The following PCDH11X variants were observed in gnomAD, a reference collection of about 807,000 sequenced individuals.
PCDH11X encodes protocadherin-11 X-linked.
PCDH11X carries 18 observed loss-of-function variants against 53.3 expected under a neutral mutation model. That is an observed-to-expected ratio of 0.34 (90% confidence interval 0.23 to 0.50). PCDH11X has a LOEUF of 0.50. PCDH11X is among the 20% of genes least tolerant of loss of function. The pLI, the probability that PCDH11X is intolerant of heterozygous loss-of-function variation, is 0.98. For synonymous variants in PCDH11X, 279 were observed against 393.3 expected, an observed-to-expected ratio of 0.71 and a Z score of 3.44; for missense variants, 570 against 1,032.4, an observed-to-expected ratio of 0.55 and a Z score of 6.14.
intron 6 of PCDH11X, among the ~76,000 whole-genome samples, chrX:92,155,746 C>T (rs1293047043): frequency 9.2e-6 from 1 of 108,950 alleles, no homozygotes; most frequent in Non-Finnish European, 1.9e-5. Context: ...CCTGCCTCAG[C>T]CTCCGGAGTA....
At chrX:92,442,837 C>T (rs948677822) in intron 9 of PCDH11X, among the ~76,000 whole-genome samples, 5 of 110,328 alleles carry the variant, frequency 4.5e-5, no homozygotes, top group Middle Eastern at 4.6e-3. Context: ...TAGGTTGATT[C>T]CATGTCTTGT....
intron 6 of PCDH11X, among the ~76,000 whole-genome samples, chrX:92,186,416 C>A (rs147408868): frequency 1.8e-5 from 2 of 111,126 alleles, no homozygotes; most frequent in Admixed American, 1.9e-4. Flanking sequence ...CATCACCTGA[C>A]ATCGGGAGAT....
intron 8 of PCDH11X, among the ~76,000 whole-genome samples, chrX:92,379,528 C>A: frequency 8.9e-6 from 1 of 112,580 alleles, no homozygotes; most frequent in Non-Finnish European, 1.9e-5. Flanking sequence ...ATAGTGGGTG[C>A]CATGGGTGAC....
chrX:92,464,306 C>T (rs772035688), intron 9 of PCDH11X, among the ~76,000 whole-genome samples: 1 of 111,255 alleles, frequency 9.0e-6, no homozygotes, highest in African/African-American at 3.3e-5. Context: ...ATAATCCCCA[C>T]ATGTCACAGG....
At chrX:92,014,872 C>T (rs1247314452) in intron 6 of PCDH11X, among the ~76,000 whole-genome samples, 1 of 110,297 alleles carries the variant, frequency 9.1e-6, no homozygotes, top group Non-Finnish European at 1.9e-5. Flanking sequence ...ACATCACACA[C>T]CAGGGCCTGT....
chrX:92,119,564 A>C (rs1372662323), intron 6 of PCDH11X, among the ~76,000 whole-genome samples: 2 of 111,676 alleles, frequency 1.8e-5, no homozygotes, highest in African/African-American at 6.5e-5. Context: ...GGAAATTGAA[A>C]AAATGGAGAT....
intron 8 of PCDH11X, among the ~76,000 whole-genome samples, chrX:92,313,073 G>A (rs2068985092): frequency 9.0e-6 from 1 of 111,629 alleles, no homozygotes; most frequent in Non-Finnish European, 1.9e-5. Context: ...CTAGTAACAG[G>A]AGCTTTTTCA....
intron 8 of PCDH11X, among the ~76,000 whole-genome samples, chrX:92,330,038 T>A (rs757655437): frequency 1.8e-5 from 2 of 110,888 alleles, no homozygotes; most frequent in South Asian, 7.7e-4. Flanking sequence ...GATACCTCAT[T>A]TACTCTGATG....
intron 6 of PCDH11X, among the ~76,000 whole-genome samples, chrX:92,199,720 A>G (rs2066357113): frequency 9.0e-6 from 1 of 110,704 alleles, no homozygotes; most frequent in Non-Finnish European, 1.9e-5. Flanking sequence ...TGGGGGGATT[A>G]TTTTAAGTTC....
intron 8 of PCDH11X, among the ~76,000 whole-genome samples, chrX:92,368,546 GA>G (rs2070531711): frequency 9.0e-6 from 1 of 111,438 alleles, no homozygotes; most frequent in Non-Finnish European, 1.9e-5. Context: ...TGCTGGAGAG[GA>G]GTTGCGATCA....
chrX:92,129,887 G>A (rs1199235389), intron 6 of PCDH11X, among the ~76,000 whole-genome samples: 2 of 111,131 alleles, frequency 1.8e-5, no homozygotes, highest in African/African-American at 6.5e-5. Flanking sequence ...CTGTATTTGG[G>A]GGTAGTGTGT....
At chrX:92,266,772 T>C (rs1320810552) in intron 8 of PCDH11X, among the ~76,000 whole-genome samples, 1 of 108,498 alleles carries the variant, frequency 9.2e-6, no homozygotes, top group African/African-American at 3.4e-5. Context: ...GGAGACAAAG[T>C]CTTGCTCTTG....
At chrX:92,221,759 T>A (rs2066884194) in intron 7 of PCDH11X, among the ~76,000 whole-genome samples, 1 of 111,687 alleles carries the variant, frequency 9.0e-6, no homozygotes, top group African/African-American at 3.2e-5. Context: ...TTTCACAATC[T>A]CTTTTATGGG....
At chrX:92,128,251 T>C in intron 6 of PCDH11X, among the ~76,000 whole-genome samples, 1 of 104,007 alleles carries the variant, frequency 9.6e-6, no homozygotes, top group Middle Eastern at 4.7e-3. Flanking sequence ...ATCTTACATC[T>C]CTAAACTCAC....
At chrX:92,222,545 T>C (rs1021831025) in intron 7 of PCDH11X, among the ~76,000 whole-genome samples, 1 of 111,866 alleles carries the variant, frequency 8.9e-6, no homozygotes, top group African/African-American at 3.2e-5. Flanking sequence ...AATTCTTTTG[T>C]TGTTGTTGTT....
intron 6 of PCDH11X, among the ~76,000 whole-genome samples, chrX:92,133,605 A>T (rs1175919646): frequency 4.5e-5 from 5 of 112,090 alleles, no homozygotes; most frequent in African/African-American, 1.6e-4. Flanking sequence ...ACCTCAGGTG[A>T]TCACCCCGCC....
intron 5 of PCDH11X, among the ~76,000 whole-genome samples, chrX:91,850,473 T>C (rs923184349): frequency 2.7e-5 from 3 of 111,714 alleles, no homozygotes; most frequent in Non-Finnish European, 3.8e-5. Context: ...AGTATAAATA[T>C]TATACTGGCT....
chrX:92,201,290 T>C, intron 6 of PCDH11X, 85 bp from the exon 7 acceptor site: 1 of 1,113,343 alleles, frequency 9.0e-7, no homozygotes. Flanking sequence ...TTTAGCTACC[T>C]ATAGGCAATG....
At position 91,879,191 on chromosome X, in the gene PCDH11X, G is replaced by A. The variant is rs1345403142; in HGVS notation, c.2951G>A (p.Ser984Asn). 8.3e-7 allele frequency: 1 copy of A among 1,211,705 alleles called. No individual in the cohort carries two copies. Among genetic ancestry groups the A allele is most frequent in the Non-Finnish European group, 1.1e-6 (1 of 895,473 alleles). ...ACDSISKCSS[S>N]SSDPYSVSDC... ...GACTCTATCTCCAAGTGTTCCTCAA[G>A]CAGTTCAGATCCCTACAGCGTTTCT... is the stretch of plus-strand genomic sequence containing the variant. The change falls in exon 6 of 11, where the codon AGC (serine) becomes AAC (asparagine). Residue 984 changes from serine (S) to asparagine (N), a missense_variant. Coordinates refer to ENST00000682573, the MANE Select transcript of PCDH11X (RefSeq NM_032968.5).
Sources: gnomAD v4.1 joint callset for allele counts (sites outside exome capture counted in the v4.1 genomes callset) on GRCh38, gnomAD v4.1.1 for gene constraint, MANE v1.5 for transcripts, NCBI Gene and HGNC (gene_info 2026-07-23, HGNC 2026-07-21) for gene names.